The following IDE variants were observed in gnomAD, a reference collection of about 807,000 sequenced individuals.
The protein encoded by IDE is insulin degrading enzyme.
In IDE, 58 loss-of-function variants were observed where a neutral mutation model predicts 133.2. The observed-to-expected ratio is 0.44, with a 90% CI of 0.35 to 0.54. The LOEUF is 0.54. IDE is among the 20% of genes least tolerant of loss of function. The probability of loss-of-function intolerance (pLI) is 0.00; values close to 1 mark genes in which losing one functional copy is unlikely to be tolerated. For synonymous variants in IDE, 396 were observed against 421.3 expected (o/e 0.94, Z 0.73); for missense variants, 981 against 1,234.0 (o/e 0.79, Z 3.07).
intron 1 of IDE, among the ~76,000 whole-genome samples, chr10:92,550,281 C>T (rs1842718997): frequency 6.6e-6 from 1 of 151,880 alleles, no homozygotes; most frequent in African/African-American, 2.4e-5. Context: ...GGGTTAATAT[C>T]CAGAATATAT....
chr10:92,539,276 T>TCA (rs1393116855), intron 1 of IDE, among the ~76,000 whole-genome samples: 2 of 151,866 alleles, frequency 1.3e-5, no homozygotes, highest in African/African-American at 4.8e-5. Flanking sequence ...GATCAACATA[T>TCA]CACACTAAAT....
At chr10:92,537,100 C>A (rs1842052987) in intron 2 of IDE, among the ~76,000 whole-genome samples, 1 of 150,804 alleles carries the variant, frequency 6.6e-6, no homozygotes. Flanking sequence ...AAAAAAAAAT[C>A]ATAACTGTTA....
intron 4 of IDE, among the ~76,000 whole-genome samples, chr10:92,520,028 C>T (rs780786448): frequency 1.3e-5 from 2 of 152,136 alleles, no homozygotes; most frequent in Non-Finnish European, 2.9e-5. Flanking sequence ...TCGCTTGAAC[C>T]TGGGAGGTGG....
intron 1 of IDE, among the ~76,000 whole-genome samples, chr10:92,558,282 G>T (rs746246271): frequency 1.2e-4 from 19 of 152,146 alleles, no homozygotes; most frequent in Non-Finnish European, 2.4e-4. Flanking sequence ...TCAAACTCCT[G>T]ACCTCAGGTG....
At position 92,504,845 on chromosome 10, in the gene IDE, C is replaced by T; in HGVS notation, c.1379G>A (p.Arg460Lys). The T allele has an allele frequency of 6.3e-7, 1 of 1,592,292 alleles. No individual in the cohort carries two copies. Among genetic ancestry groups the T allele is most frequent in the Non-Finnish European group, 8.5e-7 (1 of 1,169,884 alleles). ...GAGAACCATCTCTATTAAGTCAGGT[C>T]TAAATTCTTCCAGTAAATATTCCGC... ...LTAEYLLEEFRPDLIEMVLDK... is the reference protein window; with the variant it reads ...LTAEYLLEEFKPDLIEMVLDK... Residue 460 changes from arginine to lysine, a missense_variant, in exon 11 of 25, where the codon AGA becomes AAA. By Grantham distance (26) the Arg-to-Lys change is conservative. Coordinates refer to ENST00000265986, the MANE Select transcript of IDE (RefSeq NM_004969.4).
At chr10:92,550,357 AAAG>A (rs1400786887) in intron 1 of IDE, among the ~76,000 whole-genome samples, 3 of 152,218 alleles carry the variant, frequency 2.0e-5, no homozygotes, top group Admixed American at 1.3e-4. Flanking sequence ...CCACTTCTCC[AAAG>A]AAGATATACA....
At chr10:92,515,404 C>T (rs1247152270) in intron 4 of IDE, among the ~76,000 whole-genome samples, 6 of 148,004 alleles carry the variant, frequency 4.1e-5, no homozygotes, top group South Asian at 2.2e-4. Flanking sequence ...GGACTACAGG[C>T]GCCCACCACG....
intron 4 of IDE, among the ~76,000 whole-genome samples, chr10:92,518,285 A>G (rs1360229545): frequency 1.3e-5 from 2 of 152,072 alleles, no homozygotes; most frequent in African/African-American, 2.4e-5. Context: ...CTGGGGCCAG[A>G]TATCTTCTGA....
intron 1 of IDE, among the ~76,000 whole-genome samples, chr10:92,561,834 G>T (rs1843299144): frequency 6.6e-6 from 1 of 152,146 alleles, no homozygotes; most frequent in African/African-American, 2.4e-5. Context: ...GGGTAGTCCT[G>T]ATTACACAAT....
intron 1 of IDE, among the ~76,000 whole-genome samples, chr10:92,548,960 G>A (rs1431291400): frequency 6.6e-6 from 1 of 152,112 alleles, no homozygotes; most frequent in Non-Finnish European, 1.5e-5. Flanking sequence ...TACACTGTAT[G>A]GGATATCTCC....
At chr10:92,522,100 G>T (rs1326232061) in intron 4 of IDE, among the ~76,000 whole-genome samples, 2 of 152,106 alleles carry the variant, frequency 1.3e-5, no homozygotes, top group African/African-American at 4.8e-5. Flanking sequence ...AGGAAATAAG[G>T]GTGGGAGGGA....
At chr10:92,467,562 G>A (rs572249489) in intron 19 of IDE, among the ~76,000 whole-genome samples, 1 of 152,240 alleles carries the variant, frequency 6.6e-6, no homozygotes, top group African/African-American at 2.4e-5. Flanking sequence ...AGGCAAAAGA[G>A]ATTAAGATCC....
intron 1 of IDE, among the ~76,000 whole-genome samples, chr10:92,546,958 G>T (rs1485266601): frequency 6.6e-6 from 1 of 152,122 alleles, no homozygotes; most frequent in Non-Finnish European, 1.5e-5. Context: ...AAAATTAAAA[G>T]AATACCATAT....
chr10:92,564,381 A>G (rs1163051506), intron 1 of IDE, among the ~76,000 whole-genome samples: 1 of 152,036 alleles, frequency 6.6e-6, no homozygotes, highest in Admixed American at 6.6e-5. Context: ...CATATAAGAA[A>G]CTGTACTAGG....
intron 9 of IDE, 95 bp downstream of exon 9, chr10:92,507,480 A>T: frequency 1.3e-6 from 1 of 762,462 alleles, no homozygotes; most frequent in Non-Finnish European, 2.3e-6. Flanking sequence ...AAAAAACTTT[A>T]AAAGTTTAAC....
At chr10:92,508,329 T>C (rs1032576830) in intron 7 of IDE, 124 bp from the exon 8 acceptor site, 4 of 766,742 alleles carry the variant, frequency 5.2e-6, no homozygotes, top group East Asian at 4.9e-5. Flanking sequence ...TGCGAAAAGA[T>C]TGGGAAAAAA....
intron 4 of IDE, among the ~76,000 whole-genome samples, chr10:92,527,380 G>A (rs1849685529): frequency 6.6e-6 from 1 of 152,064 alleles, no homozygotes; most frequent in Admixed American, 6.6e-5. Context: ...GTACCTGGTA[G>A]AAGTAGCTTT....
Position 92,454,314 on chromosome 10 carries a change from A to G in IDE, c.*130T>C, listed in dbSNP as rs1215530286. ...GGATTTATAATATTTCTACATAATG[A>G]CATTTGACAATTTTTTGTTTGTTTC... is the stretch of plus-strand genomic sequence containing the variant. On this transcript the variant is annotated 3_prime_UTR_variant, in exon 25 of 25. Coordinates refer to ENST00000265986, the MANE Select transcript of IDE (RefSeq NM_004969.4). 1 of 633,618 alleles carries G rather than the reference A, an allele frequency of 1.6e-6. No homozygotes were observed. Among genetic ancestry groups the G allele is most frequent in the African/African-American group, 1.8e-5 (1 of 55,602 alleles). The allele number at this position is 633,618 out of a possible 1,614,324, so 39.2% of individuals were successfully genotyped here.
rs1029389063 is a variant in IDE, at chr10:92,461,512, C to G, written c.2762-260G>C. On this transcript the variant is annotated intron_variant, in intron 21 of 24. Coordinates refer to ENST00000265986, the MANE Select transcript of IDE (RefSeq NM_004969.4). ...TTGGGATTACAGGCACAAGCCAACA[C>G]GTCTGGGTAATTTTTATATTTTCAG... 3.3e-5 allele frequency among the ~76,000 whole-genome samples: 5 copies of G among 151,888 alleles called. 1 individual carries two copies. The highest frequency in any genetic ancestry group is 6.8e-3 in the Middle Eastern group (2 of 294).
Sources: gnomAD v4.1 joint callset for allele counts (sites outside exome capture counted in the v4.1 genomes callset) on GRCh38, gnomAD v4.1.1 for gene constraint, MANE v1.5 for transcripts, NCBI Gene and HGNC (gene_info 2026-07-23, HGNC 2026-07-21) for gene names.